ZPBP: variants seen among roughly 807,000 people sequenced by gnomAD.
The protein encoded by ZPBP is zona pellucida binding protein, also known as zona pellucida-binding protein 1.
Under a neutral mutation model 44.8 loss-of-function variants are expected in ZPBP, and 26 were observed. That is an observed-to-expected ratio of 0.58 (90% CI 0.43 to 0.81). ZPBP has a LOEUF of 0.81. Among genes scored for constraint, ZPBP ranks in the 30% least tolerant of loss-of-function variants. The pLI is 0.00. For missense variants in ZPBP, 409 were observed against 434.0 expected, an observed-to-expected ratio of 0.94 and a Z score of 0.51; for synonymous variants, 174 against 153.2, an observed-to-expected ratio of 1.14 and a Z score of -1.00.
intron 2 of ZPBP, among the ~76,000 whole-genome samples, chr7:49,871,943 A>G (rs1027170540): frequency 7.0e-6 from 1 of 142,456 alleles, no homozygotes; most frequent in Non-Finnish European, 1.5e-5. Flanking sequence ...ACACACACAC[A>G]CACACACACA....
At chr7:49,849,047 T>C (rs553452480), downstream of ZPBP, among the ~76,000 whole-genome samples, 1 of 152,340 alleles carries the variant, frequency 6.6e-6, no homozygotes, top group East Asian at 1.9e-4. Context: ...GCTTGCTTCA[T>C]GTATGACAAA....
chr7:50,005,050 G>A lies in ZPBP; in HGVS notation c.783+13190C>T, dbSNP rs576466562. 7.7e-4 allele frequency among the ~76,000 whole-genome samples: 86 copies of A among 111,952 alleles called. 2 individuals are homozygous for A. In the South Asian group the frequency reaches 0.023, roughly 29 times the overall value. 73.4% of individuals were successfully genotyped at this position (111,952 alleles called of 152,430 possible). ...ACTGAATCATTTTAAAAAAAAAAAA[G>A]GCAAGAGAAACTCTGTAAGATCATT... On this transcript the variant is annotated intron_variant, in intron 6 of 7. Transcript: ENST00000046087.
intron 2 of ZPBP, among the ~76,000 whole-genome samples, chr7:49,895,378 A>T (rs1792333171): frequency 6.6e-6 from 1 of 152,204 alleles, no homozygotes; most frequent in Non-Finnish European, 1.5e-5. Context: ...GGGGACACCA[A>T]TATTCAGATC....
intron 7 of ZPBP, among the ~76,000 whole-genome samples, chr7:49,939,714 G>A (rs906785578): frequency 1.3e-5 from 2 of 152,102 alleles, no homozygotes; most frequent in African/African-American, 4.8e-5. Context: ...TAACGATTGT[G>A]TAAAATAAAA....
chr7:49,903,685 T>C (rs953107594), intron 1 of ZPBP, among the ~76,000 whole-genome samples: 1 of 152,164 alleles, frequency 6.6e-6, no homozygotes. Flanking sequence ...TCAAATAACA[T>C]AGACGTATAT....
intron 1 of ZPBP, among the ~76,000 whole-genome samples, chr7:49,909,944 G>T (rs140451924): frequency 6.6e-6 from 1 of 151,864 alleles, no homozygotes; most frequent in East Asian, 1.9e-4. Context: ...TATCTCCAAA[G>T]ATTTTTTTTT....
At chr7:49,845,924 T>C (rs1035466784), downstream of ZPBP, among the ~76,000 whole-genome samples, 3 of 152,126 alleles carry the variant, frequency 2.0e-5, no homozygotes, top group African/African-American at 7.2e-5. Flanking sequence ...ACTGGAGAGT[T>C]TTCACTAATG....
At chr7:50,004,868 G>A (rs183633530) in intron 6 of ZPBP, among the ~76,000 whole-genome samples, 10 of 152,018 alleles carry the variant, frequency 6.6e-5, no homozygotes, top group African/African-American at 2.4e-4. Flanking sequence ...GAGGGAAAAG[G>A]GCAGAGAGTT....
At chr7:50,089,000 G>A (rs1173528651) in intron 2 of ZPBP, among the ~76,000 whole-genome samples, 1 of 152,012 alleles carries the variant, frequency 6.6e-6, no homozygotes, top group African/African-American at 2.4e-5. Context: ...AGGGCACATA[G>A]TGTATGACTC....
At chr7:49,918,350 C>T (rs1053623410) in intron 1 of ZPBP, 10 of 152,064 alleles carry the variant, frequency 6.6e-5, no homozygotes, top group African/African-American at 2.4e-4. Flanking sequence ...CAGAAATTTC[C>T]AAAATGGTCT....
At chr7:49,933,444 A>T (rs1157021018), downstream of ZPBP, among the ~76,000 whole-genome samples, 1 of 152,224 alleles carries the variant, frequency 6.6e-6, no homozygotes, top group East Asian at 1.9e-4. Flanking sequence ...ACAATTTTAC[A>T]CTGTTGGTGG....
chr7:49,892,031 A>ATTTTTT (rs536880676), intron 2 of ZPBP, among the ~76,000 whole-genome samples: 4 of 53,288 alleles, frequency 7.5e-5, no homozygotes, highest in East Asian at 6.8e-4. Flanking sequence ...GACAAAGTAG[A>ATTTTTT]TTTTTTTTTT....
chr7:49,877,578 T>C (rs1275937399), intron 2 of ZPBP, among the ~76,000 whole-genome samples: 1 of 140,558 alleles, frequency 7.1e-6, no homozygotes, highest in African/African-American at 2.6e-5. Context: ...TATGATTGTT[T>C]CCATGACTGA....
chr7:50,089,549 T>C (rs1227630587), intron 2 of ZPBP, 80 bp downstream of exon 2: 12 of 1,071,392 alleles, frequency 1.1e-5, no homozygotes, highest in Admixed American at 6.0e-5. Context: ...ATGAAGAGCA[T>C]TAGCCTTTTG....
chr7:49,980,094 T>G (rs1250637662), intron 7 of ZPBP, among the ~76,000 whole-genome samples: 1 of 97,650 alleles, frequency 1.0e-5, no homozygotes, highest in East Asian at 2.6e-4. Flanking sequence ...TAATTTTATA[T>G]TATATATAAT....
chr7:49,967,765 T>C (rs1182138396), intron 7 of ZPBP, among the ~76,000 whole-genome samples: 2 of 152,112 alleles, frequency 1.3e-5, no homozygotes, highest in African/African-American at 4.8e-5. Context: ...AGGCTGGTCT[T>C]GAACTCCTGA....
At chr7:49,936,829 A>G (rs1438552762), downstream of ZPBP, among the ~76,000 whole-genome samples, 2 of 152,034 alleles carry the variant, frequency 1.3e-5, no homozygotes, top group African/African-American at 4.8e-5. Context: ...ATTGTTGATT[A>G]TTTTTTCTAG....
intron 4 of ZPBP, among the ~76,000 whole-genome samples, chr7:50,053,163 T>C (rs1800773184): frequency 6.6e-6 from 1 of 152,178 alleles, no homozygotes; most frequent in Non-Finnish European, 1.5e-5. Context: ...TTACAAGATA[T>C]TACAATTTGG....
chr7:50,008,946 T>C (rs1000825986), intron 6 of ZPBP, among the ~76,000 whole-genome samples: 3 of 151,940 alleles, frequency 2.0e-5, no homozygotes, highest in Admixed American at 6.6e-5. Flanking sequence ...TGAAGACACA[T>C]ACTGGGCCAG....
Sources: allele counts gnomAD v4.1 joint callset (sites outside exome capture counted in the v4.1 genomes callset), GRCh38; gene constraint gnomAD v4.1.1; transcripts MANE v1.5; gene names NCBI Gene and HGNC (gene_info 2026-07-23, HGNC 2026-07-21).